Variants in MGMT observed in about 807,000 individuals in gnomAD.
MGMT encodes O-6-methylguanine-DNA methyltransferase.
A neutral mutation model predicts 15.9 loss-of-function variants in MGMT; 14 were observed. The observed-to-expected ratio is 0.88, with a 90% confidence interval of 0.58 to 1.37. MGMT has a LOEUF of 1.37. Among genes scored for constraint, MGMT ranks in the 40% most tolerant of loss-of-function variants. MGMT has a pLI of 0.00. For missense variants in MGMT, 282 were observed against 268.1 expected (o/e 1.05, Z -0.36); for synonymous variants, 130 against 118.2 (o/e 1.10, Z -0.65).
At chr10:129,712,302 G>A (rs903092196) in intron 3 of MGMT, among the ~76,000 whole-genome samples, 6 of 152,150 alleles carry the variant, frequency 3.9e-5, no homozygotes, top group African/African-American at 7.2e-5. Flanking sequence ...TTCAACGGAC[G>A]AGTTCTGAGT....
chr10:129,663,800 A>G (rs1005233234), intron 2 of MGMT, among the ~76,000 whole-genome samples: 6 of 152,154 alleles, frequency 3.9e-5, no homozygotes, highest in African/African-American at 1.5e-4. Flanking sequence ...ATTTACATGG[A>G]AGAAACAGAG....
At chr10:129,580,244 G>A (rs1215096871) in intron 2 of MGMT, among the ~76,000 whole-genome samples, 1 of 152,178 alleles carries the variant, frequency 6.6e-6, no homozygotes, top group Admixed American at 6.5e-5. Context: ...CAGGATCAGG[G>A]GGATGCGCGG....
At chr10:129,527,119 C>T (rs945960475) in intron 1 of MGMT, among the ~76,000 whole-genome samples, 7 of 152,216 alleles carry the variant, frequency 4.6e-5, no homozygotes, top group Admixed American at 6.5e-5. Context: ...TTAGGAAGCC[C>T]GACTGTTGAA....
intron 2 of MGMT, among the ~76,000 whole-genome samples, chr10:129,622,329 T>C (rs541849109): frequency 6.6e-6 from 1 of 152,372 alleles, no homozygotes; most frequent in South Asian, 2.1e-4. Context: ...GATTCCACTT[T>C]GAAAGCTCTG....
chr10:129,706,491 C>T (rs1848164146), intron 2 of MGMT, among the ~76,000 whole-genome samples: 1 of 152,218 alleles, frequency 6.6e-6, no homozygotes. Flanking sequence ...ACAGCATCCA[C>T]AGTGCAGTGA....
intron 2 of MGMT, among the ~76,000 whole-genome samples, chr10:129,683,036 A>G (rs529151449): frequency 2.0e-5 from 3 of 152,330 alleles, no homozygotes; most frequent in Non-Finnish European, 2.9e-5. Flanking sequence ...TTTGGTACAG[A>G]TGGGGTTTCA....
Position 129,770,700 on chromosome 10 carries a change from G to A in MGMT, c.*3703G>A, listed in dbSNP as rs762285313. On this transcript the variant is annotated 3_prime_UTR_variant, in exon 5 of 5. Coordinates refer to ENST00000651593, the MANE Select transcript of MGMT (RefSeq NM_002412.5). The stretch of plus-strand genomic sequence containing the variant: ...AGAGATAAATTGGCTTCATGTATGA[G>A]CAAGGGGGAAAGTGTTTTATTTTAC... 7.2e-5 allele frequency among the ~76,000 whole-genome samples: 11 copies of A among 152,256 alleles called. No homozygotes were observed. Among genetic ancestry groups the A allele is most frequent in the Non-Finnish European group, 1.6e-4 (11 of 68,048 alleles).
intron 2 of MGMT, among the ~76,000 whole-genome samples, chr10:129,617,524 G>A (rs1237395706): frequency 6.6e-6 from 1 of 152,072 alleles, no homozygotes; most frequent in East Asian, 1.9e-4. Flanking sequence ...CACAGTGGCT[G>A]AACTAATTTA....
intron 1 of MGMT, among the ~76,000 whole-genome samples, chr10:129,534,274 G>C (rs1845962562): frequency 6.6e-6 from 1 of 152,162 alleles, no homozygotes; most frequent in Non-Finnish European, 1.5e-5. Context: ...GGGAAGCCTG[G>C]TTTTTACCCT....
chr10:129,563,824 G>A (rs909362752), intron 2 of MGMT: 5 of 152,250 alleles, frequency 3.3e-5, no homozygotes, highest in African/African-American at 1.2e-4. Flanking sequence ...TTAGGAGGAT[G>A]GATCAACCTG....
At chr10:129,521,267 C>T (rs1467440285) in intron 1 of MGMT, among the ~76,000 whole-genome samples, 1 of 152,112 alleles carries the variant, frequency 6.6e-6, no homozygotes, top group Non-Finnish European at 1.5e-5. Context: ...AGGCTGGACA[C>T]GGGATTTCAA....
At chr10:129,485,327 G>T (rs1223823906) in intron 1 of MGMT, among the ~76,000 whole-genome samples, 1 of 152,104 alleles carries the variant, frequency 6.6e-6, no homozygotes, top group Non-Finnish European at 1.5e-5. Context: ...TTTGGTGAGA[G>T]CACCCACTGG....
chr10:129,543,942 G>T (rs955476983), intron 2 of MGMT, among the ~76,000 whole-genome samples: 3 of 152,220 alleles, frequency 2.0e-5, no homozygotes, highest in Non-Finnish European at 4.4e-5. Flanking sequence ...AACATTTGGA[G>T]TAAAAGAGCA....
chr10:129,685,286 G>T, intron 2 of MGMT, among the ~76,000 whole-genome samples: 1 of 152,216 alleles, frequency 6.6e-6, no homozygotes, highest in East Asian at 1.9e-4. Context: ...TTTGGTTACT[G>T]ATGATCAAGT....
intron 2 of MGMT, among the ~76,000 whole-genome samples, chr10:129,644,498 C>T (rs948955495): frequency 2.0e-4 from 31 of 152,102 alleles, no homozygotes; most frequent in Non-Finnish European, 2.2e-4. Context: ...TGAGAGGACT[C>T]GATTGAAGGG....
chr10:129,585,773 G>A (rs893152438), intron 2 of MGMT, among the ~76,000 whole-genome samples: 6 of 152,154 alleles, frequency 3.9e-5, no homozygotes, highest in African/African-American at 1.4e-4. Flanking sequence ...TGGAGGGCCG[G>A]CTGTGCAGTA....
At chr10:129,649,006 T>G (rs566611741) in intron 2 of MGMT, among the ~76,000 whole-genome samples, 1 of 152,326 alleles carries the variant, frequency 6.6e-6, no homozygotes, top group South Asian at 2.1e-4. Flanking sequence ...TTGCGAGCTT[T>G]CCATCCTGAT....
intron 2 of MGMT, among the ~76,000 whole-genome samples, chr10:129,592,181 C>T (rs1428527953): frequency 6.6e-6 from 1 of 152,166 alleles, no homozygotes; most frequent in Non-Finnish European, 1.5e-5. Context: ...TATCACTGAC[C>T]AGCCAACCAT....
At chr10:129,546,251 G>A (rs942032808) in intron 2 of MGMT, among the ~76,000 whole-genome samples, 5 of 152,210 alleles carry the variant, frequency 3.3e-5, no homozygotes, top group Admixed American at 1.3e-4. Context: ...AGGGGCAGAC[G>A]GGGAAGTGGG....
Sources: gnomAD v4.1 joint callset for allele counts (sites outside exome capture counted in the v4.1 genomes callset) on GRCh38, gnomAD v4.1.1 for gene constraint, MANE v1.5 for transcripts, NCBI Gene and HGNC (gene_info 2026-07-23, HGNC 2026-07-21) for gene names.